Variants in KCND2 observed in about 807,000 individuals in gnomAD.
KCND2 encodes the protein potassium voltage-gated channel subfamily D member 2.
In KCND2, 16 loss-of-function variants were observed where a neutral mutation model predicts 54.4. That is an observed-to-expected ratio of 0.29 (90% CI 0.20 to 0.45). The LOEUF (loss-of-function observed/expected upper bound fraction) is 0.45. Ranked by LOEUF, KCND2 falls within the 20% of genes least tolerant of loss-of-function variation. KCND2 has a pLI of 1.00. For missense variants in KCND2, 486 were observed against 824.2 expected, an observed-to-expected ratio of 0.59 and a Z score of 5.02; for synonymous variants, 317 against 310.7, an observed-to-expected ratio of 1.02 and a Z score of -0.21.
intron 1 of KCND2, among the ~76,000 whole-genome samples, chr7:120,702,567 A>G (rs1239014900): frequency 6.6e-6 from 1 of 152,212 alleles, no homozygotes; most frequent in East Asian, 1.9e-4. Flanking sequence ...TAGACTGGAT[A>G]AAGAATATGT....
intron 1 of KCND2, among the ~76,000 whole-genome samples, chr7:120,685,249 A>G (rs1041996409): frequency 6.6e-6 from 1 of 152,150 alleles, no homozygotes; most frequent in African/African-American, 2.4e-5. Context: ...CCATCTTTCT[A>G]CTACAAGAAC....
intron 1 of KCND2, among the ~76,000 whole-genome samples, chr7:120,474,520 CTTT>C (rs746574292): frequency 7.1e-6 from 1 of 140,884 alleles, no homozygotes; most frequent in Admixed American, 7.1e-5. Flanking sequence ...TTTTTCTTTA[CTTT>C]TTTTTTTTTT....
intron 1 of KCND2, among the ~76,000 whole-genome samples, chr7:120,510,581 A>G (rs993257253): frequency 8.5e-5 from 13 of 152,096 alleles, no homozygotes; most frequent in Admixed American, 8.5e-4. Context: ...CCAGTCTCCT[A>G]AAGTTTTCTT....
At chr7:120,398,162 TAC>T (rs145122173) in intron 1 of KCND2, among the ~76,000 whole-genome samples, 35,938 of 147,152 alleles carry the variant, frequency 0.24, 6,442 homozygotes, top group African/African-American at 0.51. Context: ...TATACATATA[TAC>T]ACACACACAC....
At chr7:120,587,913 A>G (rs1461364523) in intron 1 of KCND2, among the ~76,000 whole-genome samples, 2 of 152,168 alleles carry the variant, frequency 1.3e-5, no homozygotes, top group Non-Finnish European at 2.9e-5. Context: ...CCCTAAGATC[A>G]CCTGAAGTCT....
At chr7:120,428,462 C>CCTTT (rs1271650718) in intron 1 of KCND2, among the ~76,000 whole-genome samples, 2 of 152,152 alleles carry the variant, frequency 1.3e-5, no homozygotes, top group Admixed American at 1.3e-4. Flanking sequence ...GAATGTTTCA[C>CCTTT]TCAAAGAGAC....
intron 1 of KCND2, among the ~76,000 whole-genome samples, chr7:120,392,721 A>T (rs946470663): frequency 2.6e-5 from 4 of 152,078 alleles, no homozygotes; most frequent in African/African-American, 9.6e-5. Context: ...CTGCTCCCCC[A>T]GAACTGCCAT....
At chr7:120,492,728 A>AT (rs1310672492) in intron 1 of KCND2, among the ~76,000 whole-genome samples, 1 of 152,112 alleles carries the variant, frequency 6.6e-6, no homozygotes, top group African/African-American at 2.4e-5. Context: ...CTTAACAAGC[A>AT]TTTAATACAT....
At chr7:120,527,153 A>C (rs773305375) in intron 1 of KCND2, among the ~76,000 whole-genome samples, 14 of 152,002 alleles carry the variant, frequency 9.2e-5, no homozygotes, top group Non-Finnish European at 1.6e-4. Flanking sequence ...TAAATTTTCT[A>C]TTTTATGGTG....
At chr7:120,727,023 G>C (rs920411608) in intron 1 of KCND2, among the ~76,000 whole-genome samples, 6 of 152,094 alleles carry the variant, frequency 3.9e-5, no homozygotes, top group Admixed American at 6.6e-5. Context: ...TTATCTTTTA[G>C]TGTGTGTGGG....
chr7:120,395,180 C>T (rs1260908368), intron 1 of KCND2, among the ~76,000 whole-genome samples: 1 of 151,948 alleles, frequency 6.6e-6, no homozygotes, highest in Non-Finnish European at 1.5e-5. Context: ...TTTTCAAAAT[C>T]GTCATTGTAT....
intron 1 of KCND2, among the ~76,000 whole-genome samples, chr7:120,309,206 T>C (rs1393864571): frequency 6.6e-6 from 1 of 152,038 alleles, no homozygotes; most frequent in East Asian, 1.9e-4. Context: ...TCCCACTGAC[T>C]CACCTCTGCA....
chr7:120,388,513 A>C (rs1801022080), intron 1 of KCND2, among the ~76,000 whole-genome samples: 1 of 152,028 alleles, frequency 6.6e-6, no homozygotes, highest in Admixed American at 6.6e-5. Context: ...AGAGAGGAAT[A>C]AATAATAGAG....
At chr7:120,736,093 G>A (rs1378696939) in intron 2 of KCND2, among the ~76,000 whole-genome samples, 1 of 151,998 alleles carries the variant, frequency 6.6e-6, no homozygotes, top group Non-Finnish European at 1.5e-5. Context: ...ACTAATAAAA[G>A]TAATATTACA....
intron 1 of KCND2, among the ~76,000 whole-genome samples, chr7:120,437,577 A>G (rs981557367): frequency 6.6e-6 from 1 of 152,180 alleles, no homozygotes; most frequent in Non-Finnish European, 1.5e-5. Flanking sequence ...CTAAGTGCAG[A>G]ATTAGCATTG....
intron 1 of KCND2, among the ~76,000 whole-genome samples, chr7:120,346,816 G>C (rs1439366158): frequency 6.6e-6 from 1 of 152,080 alleles, no homozygotes; most frequent in Non-Finnish European, 1.5e-5. Context: ...AAATGTGACA[G>C]AAGCTTCTTT....
At chr7:120,443,285 T>C (rs1801968606) in intron 1 of KCND2, among the ~76,000 whole-genome samples, 1 of 151,732 alleles carries the variant, frequency 6.6e-6, no homozygotes, top group Non-Finnish European at 1.5e-5. Context: ...TCCCCTTTTC[T>C]GGTTTCAAAC....
At chr7:120,352,608 G>A (rs1241735117) in intron 1 of KCND2, among the ~76,000 whole-genome samples, 1 of 151,938 alleles carries the variant, frequency 6.6e-6, no homozygotes. Flanking sequence ...CGAGTCCTTA[G>A]AAGAAATGTG....
At chr7:120,726,646 T>C (rs1304444367) in intron 1 of KCND2, among the ~76,000 whole-genome samples, 1 of 152,186 alleles carries the variant, frequency 6.6e-6, no homozygotes, top group East Asian at 1.9e-4. Context: ...CATTACTTAC[T>C]TTCATCTAAC....
Sources: allele counts gnomAD v4.1 joint callset (sites outside exome capture counted in the v4.1 genomes callset), GRCh38; gene constraint gnomAD v4.1.1; transcripts MANE v1.5; gene names NCBI Gene and HGNC (gene_info 2026-07-23, HGNC 2026-07-21).